DNMT1: variants seen among roughly 807,000 people sequenced by gnomAD.
DNMT1 encodes the protein DNA (cytosine-5)-methyltransferase 1.
In DNMT1, 24 loss-of-function variants were observed where a neutral mutation model predicts 205.3. That is an observed-to-expected ratio of 0.12 (90% confidence interval 0.08 to 0.16). The LOEUF (loss-of-function observed/expected upper bound fraction) is 0.16, where lower values mean the gene tolerates loss of function less well. Among genes scored for constraint, DNMT1 ranks in the 10% least tolerant of loss-of-function variants. DNMT1 has a pLI of 1.00. For synonymous variants in DNMT1, 817 were observed against 839.8 expected (o/e 0.97, Z 0.47); for missense variants, 1,293 against 2,177.7 (o/e 0.59, Z 8.09).
At chr19:10,160,452 AAGAGAGTGTTTTACACCC>A (rs776547290) in intron 13 of DNMT1, 34 bp from the exon 14 acceptor site, 3 of 1,612,630 alleles carry the variant, frequency 1.9e-6, no homozygotes, top group South Asian at 2.2e-5. Context: ...ATTAAAGGCT[AAGAGAGTGTTTTACACCC>A]AGATAGTGCT....
In DNMT1 at chr19:10,140,954, A is replaced by G; in HGVS notation, c.3395-45T>C. 6.2e-7 allele frequency: 1 copy of G among 1,613,744 alleles called. No homozygotes were observed. The highest frequency in any genetic ancestry group is 8.5e-7 in the Non-Finnish European group (1 of 1,180,036). On this transcript the variant is annotated intron_variant, in intron 31 of 40. Coordinates refer to ENST00000359526, the MANE Select transcript of DNMT1 (RefSeq NM_001130823.3). This position sits in a 1 kb window ranked among gnomAD's most constrained non-coding sequence, Gnocchi z 8.4. The stretch of plus-strand genomic sequence containing the variant: ...GGCTAAACCCGATCCTCAGAGTCCA[A>G]GTCCACCTTGCTCTCAAGCGCCTTG...
At chr19:10,145,800 C>G (rs1568227631) in intron 28 of DNMT1, among the ~76,000 whole-genome samples, 1 of 152,080 alleles carries the variant, frequency 6.6e-6, no homozygotes, top group Non-Finnish European at 1.5e-5. Flanking sequence ...CCCCAGCTGT[C>G]CCTCGCGCTT....
intron 10 of DNMT1, among the ~76,000 whole-genome samples, chr19:10,167,265 A>G (rs6511678): frequency 0.7 from 105,823 of 151,084 alleles, 37,701 homozygotes; most frequent in East Asian, 0.88. Context: ...ATGTGATCTC[A>G]GCTCACTGCA....
chr19:10,183,586 T>C (rs1599402655), intron 1 of DNMT1, among the ~76,000 whole-genome samples: 1 of 152,140 alleles, frequency 6.6e-6, no homozygotes, highest in South Asian at 2.1e-4. Flanking sequence ...CTGGGCGTGG[T>C]GGCTGATGCC....
chr19:10,151,691 T>C lies in DNMT1; in HGVS notation c.2117+59A>G. On this transcript the variant is annotated intron_variant, in intron 23 of 40. Transcript: ENST00000359526. The surrounding 1 kb of genome is among the most constrained non-coding windows in gnomAD (Gnocchi z 5.0). ...CACACATGCAGGCCCTTCTCCACAGTGCATCTGCCACCAGCTGGCAAGTCC... is the reference window on the plus strand; with the variant it reads ...CACACATGCAGGCCCTTCTCCACAGCGCATCTGCCACCAGCTGGCAAGTCC... 1 of 1,609,448 alleles carries C rather than the reference T, an allele frequency of 6.2e-7. No individual in the cohort carries two copies. Among genetic ancestry groups the C allele is most frequent in the Non-Finnish European group, 8.5e-7 (1 of 1,176,150 alleles).
rs150774582 is a variant in DNMT1, at chr19:10,138,522, C to T, written c.4032G>A (p.Pro1344=). ...AAPGEKLPLF[P]EPLHVFAPRA... ...GGGGAGCAAACACGTGCAGTGGCTC[C>T]GGGAACAGAGGGAGCTTCTCTCCAG... Residue 1344 remains proline (P), a synonymous_variant, in exon 35 of 41, where the codon CCG becomes CCA. Transcript: ENST00000359526. The surrounding 1 kb of genome is among the most constrained non-coding windows in gnomAD (Gnocchi z 4.1). The T allele has an allele frequency of 3.3e-5, 53 of 1,613,192 alleles. No homozygotes were observed. Among genetic ancestry groups the T allele is most frequent in the Middle Eastern group, 3.3e-4 (2 of 6,062 alleles).
At chr19:10,143,152 A>G (rs2089636549) in intron 29 of DNMT1, among the ~76,000 whole-genome samples, 1 of 152,252 alleles carries the variant, frequency 6.6e-6, no homozygotes, top group Non-Finnish European at 1.5e-5. Context: ...AGGTGGGGAC[A>G]GCGGGACAGA....
At position 10,163,257 on chromosome 19, in the gene DNMT1, A is replaced by G. The variant is rs896887627; in HGVS notation, c.926+69T>C. 9.6e-6 allele frequency: 15 copies of G among 1,562,880 alleles called. No homozygotes were observed. The African/African-American group carries it at 2.0e-4, about 21-fold the overall frequency. ...GCTGGGATTACAGGTGCAAGCCACC[A>G]CACCTGGCCTAGAACAGGCTTTCTA... is the stretch of plus-strand genomic sequence containing the variant. On this transcript the variant is annotated intron_variant, in intron 12 of 40. Coordinates refer to ENST00000359526, the MANE Select transcript of DNMT1 (RefSeq NM_001130823.3).
chr19:10,179,108 GACA>G lies in DNMT1; in HGVS notation c.493+1076_493+1078del, dbSNP rs367745916. ...TGCGCCACTGCACTTCAGCCTGGGA[GACA>G]ACAAGACTCCATCTCAAAAAAAAAA... On this transcript the variant is annotated intron_variant, in intron 5 of 40. Transcript: ENST00000359526. Among the ~76,000 whole-genome samples, 81 of 112,092 alleles carry G rather than the reference GACA, an allele frequency of 7.2e-4. 1 individual carries two copies. The East Asian group carries it at 0.018, about 24-fold the overall frequency. The allele number at this position is 112,092 out of a possible 152,430, so 73.5% of individuals were successfully genotyped here. A position where few individuals can be genotyped will look rare whatever the true frequency, so the allele number is the denominator to read the frequency against.
chr19:10,139,159 T>A (rs975976377), intron 34 of DNMT1, among the ~76,000 whole-genome samples: 3 of 152,334 alleles, frequency 2.0e-5, no homozygotes, highest in Middle Eastern at 6.8e-3. Flanking sequence ...AGATAAGGCC[T>A]GGGCCCCACA....
Position 10,159,529 on chromosome 19 carries a change from A to G in DNMT1, c.1280+129T>C. On this transcript the variant is annotated intron_variant, in intron 17 of 40. Transcript: ENST00000359526. This position sits in a 1 kb window ranked among gnomAD's most constrained non-coding sequence, Gnocchi z 5.0. The stretch of plus-strand genomic sequence containing the variant: ...CAGCCCTCCACGGTGGCTCTTATCC[A>G]CGAAGTGTTAGCTTAAGACATGTTG... The G allele has an allele frequency of 5.1e-6, 5 of 987,176 alleles. No individual in the cohort carries two copies. Among genetic ancestry groups the G allele is most frequent in the Non-Finnish European group, 7.7e-6 (5 of 645,278 alleles). The allele number at this position is 987,176 out of a possible 1,614,324, so 61.2% of individuals were successfully genotyped here. A position where few individuals can be genotyped will look rare whatever the true frequency, so the allele number is the denominator to read the frequency against.
intron 17 of DNMT1, among the ~76,000 whole-genome samples, chr19:10,158,383 C>G (rs1036861909): frequency 6.6e-6 from 1 of 152,182 alleles, no homozygotes; most frequent in Non-Finnish European, 1.5e-5. Flanking sequence ...CAGCCAAGCA[C>G]GGGGAACGTG....
At chr19:10,168,498 G>T in intron 9 of DNMT1, 134 bp from the exon 10 acceptor site, 1 of 870,302 alleles carries the variant, frequency 1.1e-6, no homozygotes, top group Non-Finnish European at 1.9e-6. Flanking sequence ...GTCTACCAGT[G>T]GGCACAGTAG....
intron 13 of DNMT1, among the ~76,000 whole-genome samples, chr19:10,161,071 C>A (rs930442235): frequency 6.6e-6 from 1 of 152,006 alleles, no homozygotes; most frequent in Non-Finnish European, 1.5e-5. Context: ...CTTTGGGAGA[C>A]CGAGGCGGAT....
chr19:10,142,148 C>T lies in DNMT1; in HGVS notation c.3189G>A (p.Glu1063=). The T allele has an allele frequency of 4.3e-6, 7 of 1,614,046 alleles. No homozygotes were observed. The highest frequency in any genetic ancestry group is 5.9e-6 in the Non-Finnish European group (7 of 1,180,038). ...CAGCCTTGAAGTCCACCACGGCCTC[C>T]TCGTCGCTCCAGTAGAGCAGGTTGA... The part of the protein sequence containing the change: ...ADINLLYWSD[E]EAVVDFKAVQ... The change falls in exon 30 of 41, where the codon GAG becomes GAA. Residue 1063 remains glutamate, a synonymous_variant. Transcript: ENST00000359526.
At chr19:10,136,417 A>G in intron 37 of DNMT1, 130 bp from the exon 38 acceptor site, 5 of 1,121,746 alleles carry the variant, frequency 4.5e-6, no homozygotes, top group East Asian at 2.6e-5. Context: ...GGAGCAGCCA[A>G]CAATCCTCGT....
Position 10,159,577 on chromosome 19 carries a change from C to G in DNMT1, c.1280+81G>C. ...TTGCAGGTCAGGCACTAAAAAACAT[C>G]ACCAGAATCGTGAGCCCGCAGGCAC... On this transcript the variant is annotated intron_variant, in intron 17 of 40. Coordinates refer to ENST00000359526, the MANE Select transcript of DNMT1 (RefSeq NM_001130823.3). This position sits in a 1 kb window ranked among gnomAD's most constrained non-coding sequence, Gnocchi z 5.0. The G allele has an allele frequency of 1.4e-6, 2 of 1,402,186 alleles. No homozygotes were observed. Among genetic ancestry groups the G allele is most frequent in the Non-Finnish European group, 2.0e-6 (2 of 997,022 alleles). The allele number at this position is 1,402,186 out of a possible 1,614,324, so 86.9% of individuals were successfully genotyped here.
intron 27 of DNMT1, among the ~76,000 whole-genome samples, chr19:10,148,116 C>CAAAAAAAAAAAAAAAAAAAAAAATA (rs35310173): frequency 1.7e-5 from 1 of 59,292 alleles, no homozygotes; most frequent in Non-Finnish European, 3.1e-5. Flanking sequence ...AACTCTGTCT[C>CAAAAAAAAAAAAAAAAAAAAAAATA]AAAAAAAAAA....
At chr19:10,185,959 A>G (rs112393978) in intron 1 of DNMT1, among the ~76,000 whole-genome samples, 6,340 of 152,164 alleles carry the variant, frequency 0.042, 468 homozygotes, top group African/African-American at 0.14. Flanking sequence ...GAGAGCCTTA[A>G]GTCAGGAGGG....
Sources: gnomAD v4.1 joint callset for allele counts (sites outside exome capture counted in the v4.1 genomes callset) on GRCh38, gnomAD v4.1.1 for gene constraint, Gnocchi (gnomAD v3.1) non-coding constraint, MANE v1.5 for transcripts, NCBI Gene and HGNC (gene_info 2026-07-23, HGNC 2026-07-21) for gene names.